The following MLIP variants were observed in gnomAD, a reference collection of about 807,000 sequenced individuals.
The protein encoded by MLIP is muscular LMNA interacting protein.
A neutral mutation model predicts 84.8 loss-of-function variants in MLIP; 79 were observed. The observed-to-expected ratio is 0.93, with a 90% CI of 0.78 to 1.12. The LOEUF (loss-of-function observed/expected upper bound fraction) is 1.12, where lower values mean the gene tolerates loss of function less well. MLIP is among the 50% of genes most tolerant of loss of function. The probability of loss-of-function intolerance (pLI) is 0.00; values close to 1 mark genes in which losing one functional copy is unlikely to be tolerated. For synonymous variants in MLIP, 504 were observed against 463.0 expected, an observed-to-expected ratio of 1.09 and a Z score of -1.14; for missense variants, 1,257 against 1,160.6, an observed-to-expected ratio of 1.08 and a Z score of -1.21.
chr6:54,141,701 C>A (rs1386872355), intron 4 of MLIP, among the ~76,000 whole-genome samples: 2 of 152,086 alleles, frequency 1.3e-5, no homozygotes, highest in African/African-American at 4.8e-5. Context: ...GTGTCTGGGT[C>A]CCCAATCTGT....
chr6:54,090,900 A>G (rs562509731), intron 1 of MLIP, among the ~76,000 whole-genome samples: 3 of 152,330 alleles, frequency 2.0e-5, no homozygotes, highest in South Asian at 4.1e-4. Context: ...AGTCAACTGT[A>G]CAGACCAAAA....
intron 1 of MLIP, among the ~76,000 whole-genome samples, chr6:54,088,121 G>T (rs187256712): frequency 9.2e-5 from 14 of 152,242 alleles, no homozygotes; most frequent in Admixed American, 5.9e-4. Context: ...TTTAGTTTAT[G>T]CAAGGTGGTT....
chr6:54,238,708 A>C (rs1259818563), intron 12 of MLIP, among the ~76,000 whole-genome samples: 1 of 152,218 alleles, frequency 6.6e-6, no homozygotes, highest in African/African-American at 2.4e-5. Context: ...ATTTACAGTG[A>C]AAACTTGAGA....
chr6:54,246,541 T>A (rs974230250), intron 12 of MLIP, among the ~76,000 whole-genome samples: 1 of 151,984 alleles, frequency 6.6e-6, no homozygotes, highest in Non-Finnish European at 1.5e-5. Context: ...TCTCTTGTTG[T>A]CCAGATATTT....
At chr6:54,083,076 A>G (rs980857958) in intron 1 of MLIP, among the ~76,000 whole-genome samples, 1 of 152,150 alleles carries the variant, frequency 6.6e-6, no homozygotes, top group Non-Finnish European at 1.5e-5. Context: ...AAACTGTCTG[A>G]ATTAATTTGA....
chr6:54,184,598 T>G (rs1272420075), intron 9 of MLIP, among the ~76,000 whole-genome samples: 2 of 152,230 alleles, frequency 1.3e-5, no homozygotes, highest in African/African-American at 4.8e-5. Flanking sequence ...TGGTGCCTTG[T>G]GTAGGAATTT....
intron 1 of MLIP, among the ~76,000 whole-genome samples, chr6:54,116,939 A>T (rs188069764): frequency 6.6e-6 from 1 of 152,380 alleles, no homozygotes; most frequent in Non-Finnish European, 1.5e-5. Flanking sequence ...ATGGTTCAAC[A>T]AAATATGCAA....
intron 1 of MLIP, among the ~76,000 whole-genome samples, chr6:54,053,216 C>T (rs1459035442): frequency 5.9e-5 from 9 of 152,096 alleles, no homozygotes; most frequent in Non-Finnish European, 1.2e-4. Context: ...ATGTTTTGTA[C>T]TGGGTTGAAC....
chr6:54,152,042 C>T (rs1458131866), intron 5 of MLIP, among the ~76,000 whole-genome samples: 1 of 152,070 alleles, frequency 6.6e-6, no homozygotes, highest in Non-Finnish European at 1.5e-5. Flanking sequence ...CATATTCTAT[C>T]ATTTTTCCCC....
chr6:54,100,805 G>A (rs931580071), intron 1 of MLIP, among the ~76,000 whole-genome samples: 2 of 152,058 alleles, frequency 1.3e-5, no homozygotes, highest in Admixed American at 6.6e-5. Context: ...CTTCATGGAT[G>A]ATTGCATGTG....
In MLIP at chr6:54,065,248, C is replaced by T. The variant is rs149989712; in HGVS notation, c.63+46157C>T. Among the ~76,000 whole-genome samples, 324 of 100,032 alleles carry T rather than the reference C, an allele frequency of 3.2e-3. 112 individuals are homozygous for T. The East Asian group carries it at 0.064, about 20-fold the overall frequency. The allele number at this position is 100,032 out of a possible 152,430, so 65.6% of individuals were successfully genotyped here. A position where few individuals can be genotyped will look rare whatever the true frequency, so the allele number is the denominator to read the frequency against. On this transcript the variant is annotated intron_variant, in intron 1 of 12. Coordinates refer to the MLIP transcript ENST00000274897. ...AATCAATTGATTCATGCTAAACGTC[C>T]AGAACGGTACCTGATAAATTCTTAT...
intron 5 of MLIP, among the ~76,000 whole-genome samples, chr6:54,149,809 T>C (rs1773248119): frequency 6.6e-6 from 1 of 152,148 alleles, no homozygotes; most frequent in Non-Finnish European, 1.5e-5. Flanking sequence ...GTTACATAAG[T>C]AGGTAAATTA....
At chr6:54,143,463 C>T (rs2150504765) in intron 4 of MLIP, among the ~76,000 whole-genome samples, 1 of 152,148 alleles carries the variant, frequency 6.6e-6, no homozygotes, top group Non-Finnish European at 1.5e-5. Flanking sequence ...GCCTTGGCCC[C>T]CCAAACTGTT....
At chr6:54,196,668 CTGAGCTTCTG>C (rs1778323379) in intron 10 of MLIP, among the ~76,000 whole-genome samples, 1 of 152,060 alleles carries the variant, frequency 6.6e-6, no homozygotes, top group African/African-American at 2.4e-5. Flanking sequence ...AGTCAGCACA[CTGAGCTTCTG>C]TCTGTCAATT....
chr6:54,167,162 G>A (rs530649362), intron 8 of MLIP, among the ~76,000 whole-genome samples: 6 of 151,902 alleles, frequency 3.9e-5, no homozygotes, highest in African/African-American at 1.2e-4. Context: ...CACATCAAAC[G>A]CAGAAAACCT....
Position 54,042,331 on chromosome 6 carries a change from TTTC to T in MLIP, c.63+23248_63+23250del, listed in dbSNP as rs564287853. Among the ~76,000 whole-genome samples, 9 of 152,262 alleles carry T rather than the reference TTTC, an allele frequency of 5.9e-5. No homozygotes were observed. In the South Asian group the frequency reaches 1.7e-3, roughly 28 times the overall value. On this transcript the variant is annotated intron_variant, in intron 1 of 12. Coordinates refer to the MLIP transcript ENST00000274897. ...GAGGGATGTAGCAGTTCCTATCTGC[TTTC>T]TTCTTCTCCTGCTCTACATTCTCCT...
chr6:54,021,037 T>C (rs1254359108), intron 1 of MLIP, among the ~76,000 whole-genome samples: 1 of 152,224 alleles, frequency 6.6e-6, no homozygotes, highest in African/African-American at 2.4e-5. Context: ...TTAAGAGAGT[T>C]GGAAAATCTA....
chr6:54,178,292 G>A (rs1355047551), intron 9 of MLIP, among the ~76,000 whole-genome samples: 5 of 56,500 alleles, frequency 8.8e-5, no homozygotes, highest in South Asian at 1.4e-3. Context: ...GATTTTATTC[G>A]TGTTTCTTCC....
At chr6:54,176,924 C>T (rs1394674781) in intron 9 of MLIP, among the ~76,000 whole-genome samples, 3 of 152,058 alleles carry the variant, frequency 2.0e-5, no homozygotes, top group Admixed American at 2.0e-4. Flanking sequence ...TGATCTTCAA[C>T]AAACCTGACA....
Sources: allele counts gnomAD v4.1 joint callset (sites outside exome capture counted in the v4.1 genomes callset), GRCh38; gene constraint gnomAD v4.1.1; transcripts MANE v1.5; gene names NCBI Gene and HGNC (gene_info 2026-07-23, HGNC 2026-07-21).